Variants in DDX19B observed in about 807,000 individuals in gnomAD.
DDX19B encodes DEAD-box helicase 19B, also known as ATP-dependent RNA helicase DDX19B.
DDX19B carries 27 observed loss-of-function variants against 58.1 expected under a neutral mutation model. The ratio of observed to expected loss-of-function variants is 0.46; its 90% CI spans 0.34 to 0.64. DDX19B has a LOEUF of 0.64. Among genes scored for constraint, DDX19B ranks in the 30% least tolerant of loss-of-function variants. The pLI is 0.01. For missense variants in DDX19B, 399 were observed against 596.5 expected, an observed-to-expected ratio of 0.67 and a Z score of 3.45; for synonymous variants, 187 against 214.4, an observed-to-expected ratio of 0.87 and a Z score of 1.12.
chr16:70,313,059 C>A (rs1264507469), intron 2 of DDX19B, among the ~76,000 whole-genome samples: 2 of 152,002 alleles, frequency 1.3e-5, no homozygotes, highest in African/African-American at 4.8e-5. Context: ...CGCTCTGTTG[C>A]CCAGGCTGGA....
intron 1 of DDX19B, among the ~76,000 whole-genome samples, chr16:70,300,305 A>C (rs1403453295): frequency 6.6e-6 from 1 of 151,952 alleles, no homozygotes; most frequent in East Asian, 1.9e-4. Flanking sequence ...TCCCAGGCTC[A>C]AGCCATCCTC....
intron 5 of DDX19B, among the ~76,000 whole-genome samples, chr16:70,323,141 G>A (rs1962941581): frequency 6.6e-6 from 1 of 152,010 alleles, no homozygotes; most frequent in African/African-American, 2.4e-5. Flanking sequence ...CACCAGGGCT[G>A]GAGTACAGTG....
intron 1 of DDX19B, among the ~76,000 whole-genome samples, chr16:70,310,539 C>T (rs114536149): frequency 2.8e-4 from 43 of 151,492 alleles, no homozygotes; most frequent in Middle Eastern, 3.4e-3. Flanking sequence ...AGTGAGACCT[C>T]GTCTGCAGAA....
Position 70,326,594 on chromosome 16 carries a change from TG to T in DDX19B, c.607+908del, listed in dbSNP as rs199519736. 5.6e-3 allele frequency among the ~76,000 whole-genome samples: 858 copies of T among 152,308 alleles called. 6 individuals carry two copies. Among genetic ancestry groups the T allele is most frequent in the Admixed American group, 0.014 (210 of 15,296 alleles). On this transcript the variant is annotated intron_variant, in intron 7 of 11. Transcript: ENST00000288071. ...CTCTGTCACTCAGGCTGGAGTACAG[TG>T]GCATGATCTTGGCTCACTGCAACCT...
At chr16:70,311,891 G>C (rs1349405841) in intron 1 of DDX19B, among the ~76,000 whole-genome samples, 1 of 151,888 alleles carries the variant, frequency 6.6e-6, no homozygotes, top group South Asian at 2.1e-4. Context: ...TGCCAGGCTG[G>C]GGTGTAGTGG....
intron 5 of DDX19B, among the ~76,000 whole-genome samples, chr16:70,323,998 G>A (rs1419749955): frequency 6.6e-6 from 1 of 152,026 alleles, no homozygotes; most frequent in African/African-American, 2.4e-5. Flanking sequence ...GAGCATGACT[G>A]GCATGTTCTC....
upstream of DDX19B, among the ~76,000 whole-genome samples, chr16:70,295,233 C>T (rs1961177097): frequency 6.6e-6 from 1 of 152,128 alleles, no homozygotes; most frequent in Non-Finnish European, 1.5e-5. Flanking sequence ...TCACAAAGCG[C>T]AGGTGTATTG....
intron 1 of DDX19B, among the ~76,000 whole-genome samples, chr16:70,307,337 T>C (rs1597468873): frequency 6.6e-6 from 1 of 152,194 alleles, no homozygotes; most frequent in African/African-American, 2.4e-5. Context: ...AAGATTAATA[T>C]TGTCTATGAA....
At chr16:70,312,548 T>C in intron 1 of DDX19B, 61 bp from the exon 2 acceptor site, 1 of 1,482,030 alleles carries the variant, frequency 6.7e-7, no homozygotes, top group Non-Finnish European at 9.4e-7. Context: ...GCTCTGTTGA[T>C]TCCAAATCTT....
chr16:70,330,753 T>A (rs77062925), intron 9 of DDX19B, among the ~76,000 whole-genome samples: 10,809 of 151,510 alleles, frequency 0.071, 1,292 homozygotes, highest in African/African-American at 0.25. Context: ...TCATTAAAAA[T>A]ATATATATGG....
At chr16:70,291,717 A>G (rs1338734591), upstream of DDX19B, among the ~76,000 whole-genome samples, 1 of 152,146 alleles carries the variant, frequency 6.6e-6, no homozygotes, top group African/African-American at 2.4e-5. Flanking sequence ...AGGCTGAGGC[A>G]GGAGAATGGC....
chr16:70,302,483 C>CAT (rs1394892475), intron 1 of DDX19B, among the ~76,000 whole-genome samples: 3 of 152,124 alleles, frequency 2.0e-5, no homozygotes, highest in Admixed American at 6.6e-5. Flanking sequence ...AAAATGGAAT[C>CAT]ATATATATAA....
intron 1 of DDX19B, among the ~76,000 whole-genome samples, chr16:70,311,639 CCTTT>C (rs986982433): frequency 7.9e-5 from 12 of 152,058 alleles, no homozygotes; most frequent in African/African-American, 1.7e-4. Context: ...ATGTCTCTTT[CCTTT>C]CTATTTCCAC....
At chr16:70,324,515 CTCAT>C (rs1446417285) in intron 5 of DDX19B, 66 bp from the exon 6 acceptor site, 2 of 1,370,254 alleles carry the variant, frequency 1.5e-6, no homozygotes, top group Admixed American at 2.0e-5. Context: ...ATTTTTAATA[CTCAT>C]TTTTTTAAAC....
At chr16:70,302,804 G>GT (rs1185389844) in intron 1 of DDX19B, among the ~76,000 whole-genome samples, 1 of 152,178 alleles carries the variant, frequency 6.6e-6, no homozygotes, top group East Asian at 1.9e-4. Context: ...GTTTAACTTT[G>GT]TAAGTTATGT....
intron 5 of DDX19B, among the ~76,000 whole-genome samples, chr16:70,318,796 C>CAAAAAA (rs566281072): frequency 1.2e-5 from 1 of 80,350 alleles, no homozygotes; most frequent in African/African-American, 4.9e-5. Context: ...AACTCCATCT[C>CAAAAAA]AAAAAAAAAA....
At chr16:70,303,980 T>G (rs555581168) in intron 1 of DDX19B, among the ~76,000 whole-genome samples, 1 of 152,340 alleles carries the variant, frequency 6.6e-6, no homozygotes, top group South Asian at 2.1e-4. Context: ...TTTACATTTA[T>G]GTCTGTAATC....
chr16:70,327,077 T>A lies in DDX19B; in HGVS notation c.607+1389T>A, dbSNP rs575075113. 2.0e-5 allele frequency among the ~76,000 whole-genome samples: 3 copies of A among 146,732 alleles called. No individual in the cohort carries two copies. In the South Asian group the frequency reaches 6.6e-4, roughly 32 times the overall value. On this transcript the variant is annotated intron_variant, in intron 7 of 11. Transcript: ENST00000288071. ...TCTCTATCTGCTGACCTCGTGATCC[T>A]CCCGCCTTGGCCTCCCAAAGTGCTG...
chr16:70,307,926 TTTA>T (rs1206706638), intron 1 of DDX19B, among the ~76,000 whole-genome samples: 1 of 150,156 alleles, frequency 6.7e-6, no homozygotes, highest in Non-Finnish European at 1.5e-5. Context: ...TTTATTTAAA[TTTA>T]TTATTTATTT....
Sources: gnomAD v4.1 joint callset for allele counts (sites outside exome capture counted in the v4.1 genomes callset) on GRCh38, gnomAD v4.1.1 for gene constraint, MANE v1.5 for transcripts, NCBI Gene and HGNC (gene_info 2026-07-23, HGNC 2026-07-21) for gene names.